Variants in ZC3H3 observed in about 807,000 individuals in gnomAD.
ZC3H3 encodes zinc finger CCCH domain-containing protein 3.
In ZC3H3, 36 loss-of-function variants were observed where a neutral mutation model predicts 77.3. That is an observed-to-expected ratio of 0.47 (90% confidence interval 0.36 to 0.61). The LOEUF (loss-of-function observed/expected upper bound fraction) is 0.61, where lower values mean the gene tolerates loss of function less well. ZC3H3 is among the 20% of genes least tolerant of loss of function. The pLI, the probability that ZC3H3 is intolerant of heterozygous loss-of-function variation, is 0.00. For synonymous variants in ZC3H3, 626 were observed against 555.2 expected (o/e 1.13, Z -1.79); for missense variants, 1,331 against 1,312.2 (o/e 1.01, Z -0.22).
Position 143,465,816 on chromosome 8 carries a change from G to A in ZC3H3, c.2208C>T (p.Ile736=). Reference sequence around the variant, plus strand: ...TATAGGGACAGTTGCTGTTGCTGCAGATGCCCTTCAGGAAGTAGGAGCACA... The same window carrying A: ...TATAGGGACAGTTGCTGTTGCTGCAAATGCCCTTCAGGAAGTAGGAGCACA... The part of the protein sequence containing the change: ...MPVCSYFLKG[I]CSNSNCPYSH... The change falls in exon 9 of 12, where the codon ATC becomes ATT. Residue 736 remains isoleucine (I), a synonymous_variant. Coordinates refer to ENST00000262577, the MANE Select transcript of ZC3H3 (RefSeq NM_015117.3). 2 of 1,613,320 alleles carry A rather than the reference G, an allele frequency of 1.2e-6. No homozygotes were observed. Among genetic ancestry groups the A allele is most frequent in the Non-Finnish European group, 8.5e-7 (1 of 1,180,004 alleles).
At chr8:143,497,128 T>C (rs2129987564) in intron 4 of ZC3H3, among the ~76,000 whole-genome samples, 1 of 152,362 alleles carries the variant, frequency 6.6e-6, no homozygotes, top group East Asian at 1.9e-4. Context: ...GTGGTATTTT[T>C]GCAACTTCTG....
chr8:143,469,931 G>A (rs1012077038), intron 5 of ZC3H3, among the ~76,000 whole-genome samples: 3 of 152,174 alleles, frequency 2.0e-5, no homozygotes, highest in African/African-American at 7.2e-5. Context: ...GAAATTCTGG[G>A]GACCTGAGGT....
Position 143,541,392 on chromosome 8 carries a change from C to G in ZC3H3, c.30G>C (p.Gln10His). 2 of 1,611,834 alleles carry G rather than the reference C, an allele frequency of 1.2e-6. No homozygotes were observed. Among genetic ancestry groups the G allele is most frequent in the East Asian group, 2.2e-5 (1 of 44,782 alleles). The part of the protein sequence containing the change: MEEKEILRR[Q>H]IRLLQGLIDD... ...CGGACCTACCCTGCAGTAGGCGGAT[C>G]TGCCGCCGTAATATCTCCTTTTCCT... The change falls in exon 1 of 12, where the codon CAG becomes CAC. Residue 10 changes from glutamine (Q) to histidine (H), a missense_variant. Gln to His is a conservative substitution (Grantham distance 24, BLOSUM62 0). Around this residue, in one of 3 missense-constraint regions of ZC3H3, gnomAD observed 978 missense variants for 915.5 expected, o/e 1.07. Coordinates refer to ENST00000262577, the MANE Select transcript of ZC3H3 (RefSeq NM_015117.3).
At chr8:143,471,918 G>A (rs1284894691) in intron 5 of ZC3H3, among the ~76,000 whole-genome samples, 1 of 152,254 alleles carries the variant, frequency 6.6e-6, no homozygotes, top group Non-Finnish European at 1.5e-5. Context: ...GCGAGGCGGG[G>A]CCGGTGGTGG....
chr8:143,438,767 G>A (rs894690832), intron 11 of ZC3H3, among the ~76,000 whole-genome samples: 3 of 152,230 alleles, frequency 2.0e-5, no homozygotes, highest in Admixed American at 2.0e-4. Flanking sequence ...TCTCCGTGTA[G>A]CTGCCCACAG....
At chr8:143,530,000 A>C (rs569469286) in intron 3 of ZC3H3, among the ~76,000 whole-genome samples, 1 of 152,248 alleles carries the variant, frequency 6.6e-6, no homozygotes, top group South Asian at 2.1e-4. Flanking sequence ...TCTCATCTGC[A>C]AATGCTGACA....
intron 1 of ZC3H3, among the ~76,000 whole-genome samples, chr8:143,540,955 CA>C (rs1194678893): frequency 6.7e-6 from 1 of 149,620 alleles, no homozygotes; most frequent in Non-Finnish European, 1.5e-5. Flanking sequence ...GACTCTGTCT[CA>C]AAAAAAACCG....
intron 3 of ZC3H3, among the ~76,000 whole-genome samples, chr8:143,514,518 T>C (rs1012134969): frequency 9.9e-5 from 15 of 152,204 alleles, no homozygotes; most frequent in African/African-American, 3.4e-4. Flanking sequence ...ATGCACACGG[T>C]GGGCGGTGGG....
chr8:143,502,688 A>G (rs555850384), intron 4 of ZC3H3, among the ~76,000 whole-genome samples: 23 of 152,384 alleles, frequency 1.5e-4, no homozygotes, highest in African/African-American at 5.0e-4. Flanking sequence ...AGTTAGGGAT[A>G]TAAGTCACAT....
chr8:143,507,677 G>A, intron 4 of ZC3H3, 69 bp downstream of exon 4: 1 of 1,417,596 alleles, frequency 7.1e-7, no homozygotes. Context: ...ATTCTACCCT[G>A]CAGCCCTCAG....
Position 143,468,381 on chromosome 8 carries a change from C to G in ZC3H3, c.2105+1G>C. The G allele has an allele frequency of 6.2e-7, 1 of 1,612,684 alleles. No individual in the cohort carries two copies. The highest frequency in any genetic ancestry group is 8.5e-7 in the Non-Finnish European group (1 of 1,179,752). ...GGCCCACAGCGAGGGCAGGAGGGCA[C>G]CTGGTGCACACGGCCACCTTCTCGG... On this transcript the variant is annotated splice_donor_variant, in intron 7 of 11. Transcript: ENST00000262577. LOFTEE classifies it high-confidence loss of function.
intron 3 of ZC3H3, among the ~76,000 whole-genome samples, chr8:143,521,648 A>G (rs970809639): frequency 2.0e-5 from 3 of 152,184 alleles, no homozygotes; most frequent in African/African-American, 7.2e-5. Context: ...CTATCCAAGC[A>G]GCCTCCCCGC....
At position 143,468,279 on chromosome 8, in the gene ZC3H3, C is replaced by T; in HGVS notation, c.2106-1G>A. The T allele has an allele frequency of 6.2e-7, 1 of 1,613,116 alleles. No individual in the cohort carries two copies. The highest frequency in any genetic ancestry group is 1.7e-5 in the Admixed American group (1 of 60,018). On this transcript the variant is annotated splice_acceptor_variant, in intron 7 of 11. Transcript: ENST00000262577. LOFTEE classifies it high-confidence loss of function. ...TTTCTTGCAGGTGCCCCGGACAAAC[C>T]TGCAGCACCAGGAGAAACGGGTATG...
chr8:143,514,182 C>T (rs906453894), intron 3 of ZC3H3, among the ~76,000 whole-genome samples: 3 of 152,174 alleles, frequency 2.0e-5, no homozygotes, highest in East Asian at 1.9e-4. Context: ...GCGGCTTCCC[C>T]GAGGTCCACC....
At chr8:143,503,139 G>A (rs2924515) in intron 4 of ZC3H3, among the ~76,000 whole-genome samples, 4,212 of 152,300 alleles carry the variant, frequency 0.028, 178 homozygotes, top group African/African-American at 0.095. Flanking sequence ...GCATGCCCCC[G>A]TCAGCTGTTG....
intron 4 of ZC3H3, among the ~76,000 whole-genome samples, chr8:143,482,764 G>A (rs1015252417): frequency 6.6e-5 from 10 of 152,214 alleles, no homozygotes; most frequent in Admixed American, 3.3e-4. Flanking sequence ...AGGCTGCTAC[G>A]GACGTGACAC....
chr8:143,440,336 G>T lies in ZC3H3; in HGVS notation c.2520C>A (p.Thr840=), dbSNP rs1246869953. 1.3e-6 allele frequency: 2 copies of T among 1,538,484 alleles called. No homozygotes were observed. The highest frequency in any genetic ancestry group is 1.9e-5 in the Admixed American group (1 of 51,690). The part of the protein sequence containing the change: ...PRKPSASQRP[T]RQTPSSAALT... ...GGGCAGCCGAGCTGGGCGTCTGCCT[G>T]GTGGGGCGCTGGGATGCTGAAGGCT... The change falls in exon 11 of 12, where the codon ACC becomes ACA. Residue 840 remains threonine, a synonymous_variant. Transcript: ENST00000262577.
intron 3 of ZC3H3, among the ~76,000 whole-genome samples, chr8:143,521,490 A>G (rs1206100406): frequency 6.8e-6 from 1 of 148,148 alleles, no homozygotes; most frequent in Non-Finnish European, 1.5e-5. Context: ...CCCAGGCTGG[A>G]GCAGCTCCGG....
chr8:143,468,591 C>T (rs1222395437), intron 6 of ZC3H3, 26 bp downstream of exon 6: 2 of 1,580,378 alleles, frequency 1.3e-6, no homozygotes, highest in African/African-American at 1.3e-5. Context: ...AGGGAGCCCA[C>T]CCACTGCCCA....
Sources: allele counts gnomAD v4.1 joint callset (sites outside exome capture counted in the v4.1 genomes callset), GRCh38; gene constraint gnomAD v4.1.1; regional missense constraint gnomAD v4.1.1; transcripts MANE v1.5; gene names NCBI Gene and HGNC (gene_info 2026-07-23, HGNC 2026-07-21).